Variants in MAF observed in about 807,000 individuals in gnomAD.
The protein encoded by MAF is transcription factor Maf.
A neutral mutation model predicts 22.0 loss-of-function variants in MAF; 10 were observed. That is an observed-to-expected ratio of 0.45 (90% confidence interval 0.28 to 0.77). MAF has a LOEUF of 0.77. Ranked by LOEUF, MAF falls within the 30% of genes least tolerant of loss-of-function variation. The pLI is 0.12. For synonymous variants in MAF, 337 were observed against 255.8 expected, an observed-to-expected ratio of 1.32 and a Z score of -3.03; for missense variants, 544 against 548.4, an observed-to-expected ratio of 0.99 and a Z score of 0.08.
At chr16:79,333,485 A>G in the MAF span, among the ~76,000 whole-genome samples, 4 of 152,182 alleles carry the variant, frequency 2.6e-5, no homozygotes, top group Admixed American at 2.0e-4. Context: ...GGAGGTGCCC[A>G]TAGGATGTGC....
the MAF span, among the ~76,000 whole-genome samples, chr16:79,403,357 G>T: frequency 5.3e-5 from 8 of 152,334 alleles, no homozygotes; most frequent in African/African-American, 1.9e-4. Context: ...TCTCGCCTGG[G>T]TTATCAACCT....
chr16:79,276,331 G>A, the MAF span, among the ~76,000 whole-genome samples: 1 of 152,164 alleles, frequency 6.6e-6, no homozygotes, highest in East Asian at 1.9e-4. Flanking sequence ...TGGGACTCGG[G>A]GTCCCCAGCA....
At chr16:79,435,937 A>C in the MAF span, among the ~76,000 whole-genome samples, 1 of 152,238 alleles carries the variant, frequency 6.6e-6, no homozygotes, top group Non-Finnish European at 1.5e-5. Flanking sequence ...TGGAAAATTC[A>C]TTAGCAAGAA....
the MAF span, among the ~76,000 whole-genome samples, chr16:79,298,763 C>T: frequency 0.18 from 26,829 of 152,186 alleles, 2,873 homozygotes; most frequent in East Asian, 0.54. Context: ...GCAGAGCGGA[C>T]GTGACGGAAG....
At chr16:79,403,735 T>C in the MAF span, among the ~76,000 whole-genome samples, 1 of 152,252 alleles carries the variant, frequency 6.6e-6, no homozygotes, top group African/African-American at 2.4e-5. Flanking sequence ...GATAGCAACC[T>C]AACATAGGAA....
At chr16:79,313,189 G>A in the MAF span, among the ~76,000 whole-genome samples, 5 of 152,274 alleles carry the variant, frequency 3.3e-5, no homozygotes, top group African/African-American at 9.6e-5. Flanking sequence ...TGGCACACAG[G>A]CACTGGGCAA....
At chr16:79,509,265 G>A in the MAF span, among the ~76,000 whole-genome samples, 1 of 152,168 alleles carries the variant, frequency 6.6e-6, no homozygotes, top group African/African-American at 2.4e-5. Flanking sequence ...AAGTGGAGAC[G>A]TGAACCATGC....
chr16:79,427,368 C>G, the MAF span, among the ~76,000 whole-genome samples: 14 of 152,218 alleles, frequency 9.2e-5, no homozygotes, highest in Non-Finnish European at 1.9e-4. Flanking sequence ...ACATATGCTG[C>G]TACATCAACA....
At chr16:79,480,616 G>C in the MAF span, among the ~76,000 whole-genome samples, 1 of 152,164 alleles carries the variant, frequency 6.6e-6, no homozygotes, top group African/African-American at 2.4e-5. Flanking sequence ...ACTATGGAGG[G>C]AGGGTAGAAG....
chr16:79,238,004 C>T, the MAF span, among the ~76,000 whole-genome samples: 3 of 152,078 alleles, frequency 2.0e-5, no homozygotes, highest in African/African-American at 7.2e-5. Context: ...ACTGACCTGG[C>T]CTGTGTCACC....
the MAF span, among the ~76,000 whole-genome samples, chr16:79,513,690 T>C: frequency 1.3e-5 from 2 of 152,198 alleles, no homozygotes; most frequent in East Asian, 3.8e-4. Flanking sequence ...AATAAGCTTG[T>C]TGAGCTTATT....
At chr16:79,358,059 A>G in the MAF span, among the ~76,000 whole-genome samples, 1 of 152,228 alleles carries the variant, frequency 6.6e-6, no homozygotes, top group Admixed American at 6.5e-5. Context: ...TTGCAGGGAT[A>G]TGGAAAGAAC....
intron 1 of MAF, among the ~76,000 whole-genome samples, chr16:79,586,763 C>G (rs1034694724): frequency 6.6e-6 from 1 of 152,152 alleles, no homozygotes. Flanking sequence ...CAAAGCAGAC[C>G]TGTCATTTCT....
chr16:79,541,366 C>T, the MAF span, among the ~76,000 whole-genome samples: 2 of 152,196 alleles, frequency 1.3e-5, no homozygotes, highest in South Asian at 2.1e-4. Context: ...ATATTTGTAC[C>T]CGTAACCCAA....
the MAF span, among the ~76,000 whole-genome samples, chr16:79,499,963 G>C: frequency 1.3e-5 from 2 of 152,146 alleles, no homozygotes; most frequent in Non-Finnish European, 2.9e-5. Context: ...ATTATTGTAA[G>C]AAAGAGGCAG....
At chr16:79,231,929 A>G in the MAF span, among the ~76,000 whole-genome samples, 1 of 152,038 alleles carries the variant, frequency 6.6e-6, no homozygotes, top group Admixed American at 6.6e-5. Context: ...GATGGGAAGC[A>G]GTGACAGATC....
chr16:79,450,864 C>G, the MAF span, among the ~76,000 whole-genome samples: 2 of 151,180 alleles, frequency 1.3e-5, no homozygotes, highest in South Asian at 4.2e-4. Context: ...TGGAAAAGCA[C>G]CAAGCAGCAC....
At chr16:79,587,996 A>T (rs1291963564) in intron 1 of MAF, among the ~76,000 whole-genome samples, 1 of 152,136 alleles carries the variant, frequency 6.6e-6, no homozygotes, top group Admixed American at 6.5e-5. Context: ...AGGAGGTCTC[A>T]CATCGGGGTA....
At chr16:79,537,736 C>A in the MAF span, among the ~76,000 whole-genome samples, 1 of 152,094 alleles carries the variant, frequency 6.6e-6, no homozygotes, top group Non-Finnish European at 1.5e-5. Flanking sequence ...AAATTCAAAC[C>A]CAGGGGCCCT....
Sources: allele counts gnomAD v4.1 joint callset (sites outside exome capture counted in the v4.1 genomes callset), GRCh38; gene constraint gnomAD v4.1.1; transcripts MANE v1.5; gene names NCBI Gene and HGNC (gene_info 2026-07-23, HGNC 2026-07-21).